GDAP1: variants seen among roughly 807,000 people sequenced by gnomAD.
GDAP1 encodes ganglioside induced differentiation associated protein 1.
A neutral mutation model predicts 40.1 loss-of-function variants in GDAP1; 34 were observed. That is an observed-to-expected ratio of 0.85 (90% CI 0.64 to 1.13). The LOEUF is 1.13. GDAP1 is among the 50% of genes most tolerant of loss of function. The probability of loss-of-function intolerance (pLI) is 0.00; values close to 1 mark genes in which losing one functional copy is unlikely to be tolerated. For synonymous variants in GDAP1, 170 were observed against 157.4 expected, an observed-to-expected ratio of 1.08 and a Z score of -0.60; for missense variants, 374 against 433.7, an observed-to-expected ratio of 0.86 and a Z score of 1.22.
chr8:74,449,575 T>A (rs1224648077), intron 2 of GDAP1, among the ~76,000 whole-genome samples: 1 of 151,896 alleles, frequency 6.6e-6, no homozygotes, highest in Non-Finnish European at 1.5e-5. Context: ...TTTTATGTTT[T>A]TTATGTTATT....
At chr8:74,447,372 T>C (rs866843766) in intron 2 of GDAP1, among the ~76,000 whole-genome samples, 49 of 152,298 alleles carry the variant, frequency 3.2e-4, no homozygotes, top group Middle Eastern at 3.4e-3. Context: ...TTCCATTTTT[T>C]CTACTGTATA....
intron 2 of GDAP1, among the ~76,000 whole-genome samples, chr8:74,480,783 A>G (rs190930332): frequency 6.6e-6 from 1 of 152,094 alleles, no homozygotes; most frequent in African/African-American, 2.4e-5. Flanking sequence ...TTCTTATTAA[A>G]CCTATTCCAA....
At chr8:74,383,928 A>G (rs955511905) in intron 2 of GDAP1, among the ~76,000 whole-genome samples, 1 of 152,124 alleles carries the variant, frequency 6.6e-6, no homozygotes, top group African/African-American at 2.4e-5. Context: ...GGTATCTAAG[A>G]AGTAAGATCG....
chr8:74,360,162 TAAAG>T lies in GDAP1; in HGVS notation c.341_344del (p.Glu114AlafsTer32), dbSNP rs1586803018. ...AAAGAACACCCAGGTTAATGCCTGATAAAGAAAGCATGTATTACCCACGGGTACA... is the reference window on the plus strand; with the variant it reads ...AAAGAACACCCAGGTTAATGCCTGATAAAGCATGTATTACCCACGGGTACA... On this transcript the variant is annotated frameshift_variant, in exon 3 of 6. Coordinates refer to ENST00000220822, the MANE Select transcript of GDAP1 (RefSeq NM_018972.4). LOFTEE classifies it high-confidence loss of function. 4.3e-6 allele frequency: 7 copies of T among 1,613,632 alleles called. No homozygotes were observed. The highest frequency in any genetic ancestry group is 2.2e-5 in the South Asian group (2 of 91,056).
chr8:74,450,567 A>G (rs1349858532), intron 2 of GDAP1, among the ~76,000 whole-genome samples: 1 of 151,904 alleles, frequency 6.6e-6, no homozygotes. Context: ...CTCTGGTAGT[A>G]TTTTGAAGTC....
intron 2 of GDAP1, among the ~76,000 whole-genome samples, chr8:74,413,053 G>A (rs545872238): frequency 2.1e-4 from 18 of 87,796 alleles, no homozygotes; most frequent in African/African-American, 3.8e-4. Context: ...GCGATAAAGC[G>A]AGACTCTGTC....
chr8:74,402,219 TC>T (rs1487231994), intron 2 of GDAP1, among the ~76,000 whole-genome samples: 3 of 150,474 alleles, frequency 2.0e-5, no homozygotes, highest in Non-Finnish European at 4.4e-5. Flanking sequence ...AATTGGAGCT[TC>T]CCGGCTGCTT....
At chr8:74,366,990 T>G, downstream of GDAP1, 1 of 303,678 alleles carries the variant, frequency 3.3e-6, no homozygotes, top group Non-Finnish European at 6.4e-6. Context: ...TTCAAGATAC[T>G]TAGCTATAGG....
intron 2 of GDAP1, among the ~76,000 whole-genome samples, chr8:74,472,380 T>C (rs983842480): frequency 3.3e-5 from 5 of 152,244 alleles, no homozygotes; most frequent in Non-Finnish European, 5.9e-5. Context: ...CTATTGTGAA[T>C]AGTGCTGCAA....
intron 2 of GDAP1, among the ~76,000 whole-genome samples, chr8:74,442,903 G>C (rs1248793445): frequency 6.6e-6 from 1 of 152,120 alleles, no homozygotes; most frequent in Admixed American, 6.6e-5. Context: ...AAAAATTCTA[G>C]GATTTCATTC....
Position 74,439,928 on chromosome 8 carries a change from T to C in GDAP1, c.166-48750T>C, listed in dbSNP as rs1806142292. 1.3e-5 allele frequency among the ~76,000 whole-genome samples: 2 copies of C among 152,160 alleles called. 1 individual carries two copies. Among genetic ancestry groups the C allele is most frequent in the South Asian group, 4.1e-4 (2 of 4,834 alleles). On this transcript the variant is annotated intron_variant, in intron 2 of 2. Coordinates refer to the GDAP1 transcript ENST00000523640. ...TTTTGTAAGTGACACTATTTTTATA[T>C]ATCTTGTAAGTGACATTATTTATTT... is the stretch of plus-strand genomic sequence containing the variant.
chr8:74,386,986 A>T (rs1283687047), intron 2 of GDAP1, among the ~76,000 whole-genome samples: 1 of 151,870 alleles, frequency 6.6e-6, no homozygotes, highest in Non-Finnish European at 1.5e-5. Context: ...CTGTTTGTCT[A>T]TTATTAGTGT....
intron 2 of GDAP1, among the ~76,000 whole-genome samples, chr8:74,480,491 A>G (rs1408259201): frequency 1.3e-5 from 2 of 152,188 alleles, no homozygotes; most frequent in African/African-American, 2.4e-5. Context: ...GTTAAGCATC[A>G]TTTGCTTTTG....
At position 74,402,792 on chromosome 8, in the gene GDAP1, T is replaced by G. The variant is rs1052300706; in HGVS notation, c.165+51471T>G. Among the ~76,000 whole-genome samples the G allele has an allele frequency of 7.3e-5, 11 of 150,380 alleles. 1 individual carries two copies. Among genetic ancestry groups the G allele is most frequent in the African/African-American group, 2.8e-4 (11 of 39,652 alleles). On this transcript the variant is annotated intron_variant, in intron 2 of 2. Coordinates refer to the GDAP1 transcript ENST00000523640. The stretch of plus-strand genomic sequence containing the variant: ...GACTTTTTTGCATATACAAAAAATC[T>G]TAAAGTTAACCTGTAAAATTTCCAA...
At chr8:74,469,406 C>T (rs1289676358) in intron 2 of GDAP1, among the ~76,000 whole-genome samples, 2 of 152,052 alleles carry the variant, frequency 1.3e-5, no homozygotes, top group East Asian at 3.9e-4. Context: ...CAGTGGCTCA[C>T]GCCTGTAATC....
chr8:74,350,514 G>C lies in GDAP1; in HGVS notation c.53G>C (p.Gly18Ala), dbSNP rs771248667. ...QRGSPPLRAEGKADAEVKLIL... is the reference protein window; with the variant it reads ...QRGSPPLRAEAKADAEVKLIL... Reference sequence around the variant, plus strand: ...GGGAGCCCGCCCTTGAGGGCGGAAGGCAAGGCCGACGCGGAGGTTAAGCTC... The same window carrying C: ...GGGAGCCCGCCCTTGAGGGCGGAAGCCAAGGCCGACGCGGAGGTTAAGCTC... The change falls in exon 1 of 6, where the codon GGC becomes GCC. Residue 18 changes from glycine to alanine, a missense_variant. By Grantham distance (60) the Gly-to-Ala change is moderately conservative. Coordinates refer to ENST00000220822, the MANE Select transcript of GDAP1 (RefSeq NM_018972.4). 6.2e-7 allele frequency: 1 copy of C among 1,613,870 alleles called. No individual in the cohort carries two copies. The highest frequency in any genetic ancestry group is 2.2e-5 in the East Asian group (1 of 44,874).
At chr8:74,426,635 A>G (rs1304906570) in intron 2 of GDAP1, among the ~76,000 whole-genome samples, 6 of 152,206 alleles carry the variant, frequency 3.9e-5, no homozygotes, top group Admixed American at 2.6e-4. Context: ...GTAAAATGAT[A>G]ATGTCTCTTA....
chr8:74,466,247 A>G (rs543418911), intron 2 of GDAP1, among the ~76,000 whole-genome samples: 3 of 152,342 alleles, frequency 2.0e-5, no homozygotes, highest in Admixed American at 2.0e-4. Flanking sequence ...AAAATTTAAG[A>G]CATCTCAAAG....
chr8:74,486,679 G>T (rs1311348124), intron 2 of GDAP1, among the ~76,000 whole-genome samples: 2 of 152,148 alleles, frequency 1.3e-5, no homozygotes, highest in Non-Finnish European at 2.9e-5. Flanking sequence ...TTCATTTATG[G>T]ATCTGACAAT....
Sources: gnomAD v4.1 joint callset for allele counts (sites outside exome capture counted in the v4.1 genomes callset) on GRCh38, gnomAD v4.1.1 for gene constraint, MANE v1.5 for transcripts, NCBI Gene and HGNC (gene_info 2026-07-23, HGNC 2026-07-21) for gene names.